The following TSPEAR variants were observed in gnomAD, a reference collection of about 807,000 sequenced individuals.
TSPEAR encodes the protein thrombospondin-type laminin G domain and EAR repeat-containing protein.
TSPEAR carries 69 observed loss-of-function variants against 71.6 expected under a neutral mutation model. The ratio of observed to expected loss-of-function variants is 0.96; its 90% CI spans 0.79 to 1.18. The LOEUF is 1.18. Ranked by LOEUF, TSPEAR falls within the 50% of genes most tolerant of loss-of-function variation. TSPEAR has a pLI of 0.00. For synonymous variants in TSPEAR, 402 were observed against 387.2 expected (o/e 1.04, Z -0.45); for missense variants, 971 against 894.9 (o/e 1.09, Z -1.09).
intron 1 of TSPEAR, among the ~76,000 whole-genome samples, chr21:44,674,118 CAA>C (rs35708048): frequency 1.5e-5 from 2 of 136,920 alleles, no homozygotes. Flanking sequence ...GACTCCATCT[CAA>C]AAAAAAAAAA....
In TSPEAR at chr21:44,529,752, T is replaced by C. The variant is rs781856559; in HGVS notation, c.790+46A>G. The C allele has an allele frequency of 1.9e-6, 3 of 1,608,976 alleles. No homozygotes were observed. The South Asian group carries it at 3.3e-5, about 18-fold the overall frequency. ...TTCCCGCCTGGTGTGAGGCCAGGGC[T>C]CTCGCATCTGCCTTTGGTGTGGGGG... On this transcript the variant is annotated intron_variant, in intron 5 of 11. Coordinates refer to ENST00000323084, the MANE Select transcript of TSPEAR (RefSeq NM_144991.3).
chr21:44,698,896 C>A lies in TSPEAR; in HGVS notation c.82+12537G>T, dbSNP rs1987515592. ...CTCCAGCCGGGGCAACAGAGTGAAACCTTGTCTCCATTAAAAATAAAAAGG... is the reference window on the plus strand; with the variant it reads ...CTCCAGCCGGGGCAACAGAGTGAAAACTTGTCTCCATTAAAAATAAAAAGG... On this transcript the variant is annotated intron_variant, in intron 1 of 11. Coordinates refer to ENST00000323084, the MANE Select transcript of TSPEAR (RefSeq NM_144991.3). Among the ~76,000 whole-genome samples the A allele has an allele frequency of 2.0e-5, 3 of 152,302 alleles. 1 individual carries two copies. Among genetic ancestry groups the A allele is most frequent in the South Asian group, 2.1e-4 (1 of 4,830 alleles).
At chr21:44,607,692 T>C (rs587735254) in intron 1 of TSPEAR, among the ~76,000 whole-genome samples, 2 of 152,180 alleles carry the variant, frequency 1.3e-5, no homozygotes, top group Admixed American at 1.3e-4. Context: ...CAGATTGAAA[T>C]AGATGACCAA....
chr21:44,529,214 C>A (rs11911853), intron 5 of TSPEAR, among the ~76,000 whole-genome samples: 6,175 of 152,316 alleles, frequency 0.041, 428 homozygotes, highest in African/African-American at 0.14. Context: ...TGGCTGAGAG[C>A]AGTGGGGATG....
intron 1 of TSPEAR, among the ~76,000 whole-genome samples, chr21:44,579,208 G>C (rs587647568): frequency 1.3e-5 from 2 of 152,250 alleles, no homozygotes; most frequent in East Asian, 3.9e-4. Flanking sequence ...CTGGGGCCTG[G>C]AGAGCCCCAC....
chr21:44,710,440 G>A lies in TSPEAR; in HGVS notation c.82+993C>T, dbSNP rs1349401177. 7.9e-6 allele frequency among the ~76,000 whole-genome samples: 1 copy of A among 127,004 alleles called. No individual in the cohort carries two copies. Among genetic ancestry groups the A allele is most frequent in the Non-Finnish European group, 1.7e-5 (1 of 57,924 alleles). 83.3% of individuals were successfully genotyped at this position (127,004 alleles called of 152,430 possible). ...CCCCACCCCCACCCCCACCCCCCAC[G>A]CGAGTCAGCACGTTCCATACTCGGG... is the stretch of plus-strand genomic sequence containing the variant. On this transcript the variant is annotated intron_variant, in intron 1 of 11. Transcript: ENST00000323084. The surrounding 1 kb of genome is among the most constrained non-coding windows in gnomAD (Gnocchi z 4.6).
chr21:44,550,795 A>C, intron 2 of TSPEAR: 2 of 1,612,370 alleles, frequency 1.2e-6, no homozygotes, highest in Non-Finnish European at 1.7e-6. Context: ...CAGCAGGAGG[A>C]GGTGCAGCAA....
At chr21:44,582,770 A>G (rs1555925298) in intron 1 of TSPEAR, among the ~76,000 whole-genome samples, 2 of 152,188 alleles carry the variant, frequency 1.3e-5, no homozygotes, top group African/African-American at 2.4e-5. Context: ...TTCCACGGAC[A>G]ATTGAATGAT....
chr21:44,606,445 C>A (rs1247965155), intron 1 of TSPEAR, among the ~76,000 whole-genome samples: 2 of 152,170 alleles, frequency 1.3e-5, no homozygotes, highest in Non-Finnish European at 2.9e-5. Context: ...AGTACAACCA[C>A]TACGGGAAAC....
At chr21:44,583,280 G>A (rs1372314046) in intron 1 of TSPEAR, among the ~76,000 whole-genome samples, 3 of 152,374 alleles carry the variant, frequency 2.0e-5, no homozygotes, top group South Asian at 2.1e-4. Context: ...GCCCACGGCC[G>A]TGTCTTCTGC....
intron 1 of TSPEAR, among the ~76,000 whole-genome samples, chr21:44,645,972 T>C (rs1984313018): frequency 6.6e-6 from 1 of 150,690 alleles, no homozygotes; most frequent in African/African-American, 2.4e-5. Flanking sequence ...ACCCCGTCTC[T>C]ACTAAAAATA....
In TSPEAR at chr21:44,710,939, G is replaced by A. The variant is rs1464487756; in HGVS notation, c.82+494C>T. ...TCACTCCAGAGGTGGTTGTGTTTGG[G>A]GCTGTGTCTGTGTCTCCAGCTTTTT... On this transcript the variant is annotated intron_variant, in intron 1 of 11. Transcript: ENST00000323084. This position sits in a 1 kb window ranked among gnomAD's most constrained non-coding sequence, Gnocchi z 4.6. Among the ~76,000 whole-genome samples, 1 of 152,216 alleles carries A rather than the reference G, an allele frequency of 6.6e-6. No homozygotes were observed. The highest frequency in any genetic ancestry group is 1.5e-5 in the Non-Finnish European group (1 of 68,042).
rs1054376009 is a variant in TSPEAR at position 44,629,431 on chromosome 21, C to A, written c.83-61426G>T. Among the ~76,000 whole-genome samples the A allele has an allele frequency of 1.3e-5, 2 of 152,312 alleles. 1 individual carries two copies. Among genetic ancestry groups the A allele is most frequent in the Admixed American group, 1.3e-4 (2 of 15,314 alleles). ...TCTCCCTGTGTCCTTACGGGGCTGT[C>A]CCTCTGTGTGTGTCTCTGCCCTCAT... On this transcript the variant is annotated intron_variant, in intron 1 of 11. Coordinates refer to ENST00000323084, the MANE Select transcript of TSPEAR (RefSeq NM_144991.3).
intron 1 of TSPEAR, among the ~76,000 whole-genome samples, chr21:44,709,230 TGCCGA>T (rs1467544828): frequency 6.6e-6 from 1 of 151,892 alleles, no homozygotes; most frequent in African/African-American, 2.4e-5. Context: ...GAATGAGGGG[TGCCGA>T]GCCTAGGGCG....
chr21:44,609,797 T>G (rs1455004423), intron 1 of TSPEAR, among the ~76,000 whole-genome samples: 1 of 152,198 alleles, frequency 6.6e-6, no homozygotes, highest in Non-Finnish European at 1.5e-5. Context: ...CAATATTTAC[T>G]TTATTATAAT....
intron 9 of TSPEAR, chr21:44,519,339 G>A (rs1366231172): frequency 3.3e-5 from 5 of 152,372 alleles, no homozygotes; most frequent in African/African-American, 1.2e-4. Flanking sequence ...CCCACCATTT[G>A]CCTTTTGAGC....
At chr21:44,511,996 G>A (rs1231208498) in intron 9 of TSPEAR, among the ~76,000 whole-genome samples, 5 of 152,238 alleles carry the variant, frequency 3.3e-5, no homozygotes, top group Admixed American at 2.6e-4. Context: ...GGGGCTGCCC[G>A]GGGCCTTGGG....
chr21:44,691,563 A>G (rs1555949739), intron 1 of TSPEAR, among the ~76,000 whole-genome samples: 1 of 152,258 alleles, frequency 6.6e-6, no homozygotes, highest in African/African-American at 2.4e-5. Flanking sequence ...CCATACAAAG[A>G]GTCCCCACAT....
rs933259163 is a variant in TSPEAR, at chr21:44,687,041, C to T, written c.82+24392G>A. On this transcript the variant is annotated intron_variant, in intron 1 of 11. Transcript: ENST00000323084. The surrounding 1 kb of genome is among the most constrained non-coding windows in gnomAD (Gnocchi z 4.4). Reference sequence around the variant, plus strand: ...GTGTCTCCTTCCCAGTAGTTTCAGACGAGGATCTCTCAGCCAGGACTCTTC... The same window carrying T: ...GTGTCTCCTTCCCAGTAGTTTCAGATGAGGATCTCTCAGCCAGGACTCTTC... 4.6e-5 allele frequency among the ~76,000 whole-genome samples: 7 copies of T among 152,044 alleles called. No homozygotes were observed. Among genetic ancestry groups the T allele is most frequent in the Admixed American group, 2.0e-4 (3 of 15,272 alleles).
Sources: allele counts gnomAD v4.1 joint callset (sites outside exome capture counted in the v4.1 genomes callset), GRCh38; gene constraint gnomAD v4.1.1; non-coding constraint Gnocchi (gnomAD v3.1); transcripts MANE v1.5; gene names NCBI Gene and HGNC (gene_info 2026-07-23, HGNC 2026-07-21).